Variants in PTPRT observed in about 807,000 individuals in gnomAD.
PTPRT encodes receptor-type tyrosine-protein phosphatase T.
In PTPRT, 56 loss-of-function variants were observed where a neutral mutation model predicts 176.8. The observed-to-expected ratio is 0.32, with a 90% CI of 0.26 to 0.40. The LOEUF (loss-of-function observed/expected upper bound fraction) is 0.40, where lower values mean the gene tolerates loss of function less well. PTPRT is among the 10% of genes least tolerant of loss of function. PTPRT has a pLI of 1.00. For missense variants in PTPRT, 1,540 were observed against 1,908.2 expected (o/e 0.81, Z 3.60); for synonymous variants, 783 against 739.0 (o/e 1.06, Z -0.96).
chr20:42,418,600 T>C (rs1362539856), intron 9 of PTPRT, among the ~76,000 whole-genome samples: 1 of 152,178 alleles, frequency 6.6e-6, no homozygotes. Flanking sequence ...AGATGACCAA[T>C]AGCTTGCACT....
chr20:42,236,177 A>G lies in PTPRT; in HGVS notation c.2342+52T>C, dbSNP rs371548851. The stretch of plus-strand genomic sequence containing the variant: ...TTGGTTGGTGCAGGAAATGCATGCT[A>G]CAGGTTCCCTTACAGGGCACGAAGC... On this transcript the variant is annotated intron_variant, in intron 15 of 30. Coordinates refer to ENST00000373187, the MANE Select transcript of PTPRT (RefSeq NM_007050.6). The G allele has an allele frequency of 2.8e-5, 42 of 1,482,930 alleles. No homozygotes were observed. In the Middle Eastern group the frequency reaches 8.6e-4, roughly 30 times the overall value. 91.9% of individuals were successfully genotyped at this position (1,482,930 alleles called of 1,614,324 possible).
chr20:43,113,221 T>C (rs1239404313), intron 1 of PTPRT, among the ~76,000 whole-genome samples: 1 of 152,222 alleles, frequency 6.6e-6, no homozygotes, highest in Admixed American at 6.5e-5. Context: ...TAACAACTCA[T>C]CCATGATGAA....
chr20:42,353,261 T>A (rs779698021), intron 9 of PTPRT, among the ~76,000 whole-genome samples: 2 of 152,172 alleles, frequency 1.3e-5, no homozygotes, highest in Non-Finnish European at 2.9e-5. Context: ...CCAGGCCCCA[T>A]ATTCCAGACA....
At chr20:43,168,966 T>C (rs2014925305) in intron 1 of PTPRT, among the ~76,000 whole-genome samples, 2 of 152,204 alleles carry the variant, frequency 1.3e-5, no homozygotes, top group South Asian at 4.1e-4. Flanking sequence ...TGTGAACAGC[T>C]GTGTCTGCAA....
intron 17 of PTPRT, among the ~76,000 whole-genome samples, chr20:42,147,514 G>A (rs1363089516): frequency 6.6e-6 from 1 of 152,146 alleles, no homozygotes; most frequent in Non-Finnish European, 1.5e-5. Context: ...CAGAATAAAT[G>A]TGTGCCCTTT....
At chr20:42,923,348 A>G (rs1979278362) in intron 1 of PTPRT, among the ~76,000 whole-genome samples, 2 of 152,212 alleles carry the variant, frequency 1.3e-5, no homozygotes, top group Non-Finnish European at 2.9e-5. Flanking sequence ...GAAGAAGAAG[A>G]CAATCTGTGC....
intron 1 of PTPRT, among the ~76,000 whole-genome samples, chr20:43,023,804 T>C (rs1568739119): frequency 6.6e-6 from 1 of 152,162 alleles, no homozygotes; most frequent in Non-Finnish European, 1.5e-5. Context: ...TGTCTTGTTA[T>C]TGGAGATCAC....
chr20:42,315,702 C>A, intron 12 of PTPRT, 21 bp downstream of exon 12: 1 of 1,606,066 alleles, frequency 6.2e-7, no homozygotes. Flanking sequence ...CAAGGAATGG[C>A]CTCCATGTGG....
chr20:43,151,368 T>A (rs2014350296), intron 1 of PTPRT, among the ~76,000 whole-genome samples: 1 of 147,752 alleles, frequency 6.8e-6, no homozygotes, highest in Non-Finnish European at 1.5e-5. Context: ...AACAGAAAGC[T>A]TCTAATAAAG....
At chr20:42,643,313 T>C (rs1176107924) in intron 7 of PTPRT, among the ~76,000 whole-genome samples, 2 of 152,076 alleles carry the variant, frequency 1.3e-5, no homozygotes, top group African/African-American at 2.4e-5. Flanking sequence ...TTATTACCCT[T>C]ACTTTATTTT....
At position 43,021,549 on chromosome 20, in the gene PTPRT, T is replaced by C. The variant is rs945858107; in HGVS notation, c.89-135617A>G. ...ACAGGTGGGCAAGTTCCCTGGTCTG[T>C]TCTGCCTGGGCCCCAGATGTGAGAT... On this transcript the variant is annotated intron_variant, in intron 1 of 30. Transcript: ENST00000373187. Among the ~76,000 whole-genome samples, 7 of 152,064 alleles carry C rather than the reference T, an allele frequency of 4.6e-5. No individual in the cohort carries two copies. The East Asian group carries it at 1.4e-3, about 29-fold the overall frequency.
At chr20:42,704,856 C>T (rs1156851626) in intron 6 of PTPRT, among the ~76,000 whole-genome samples, 1 of 152,162 alleles carries the variant, frequency 6.6e-6, no homozygotes, top group Non-Finnish European at 1.5e-5. Context: ...GAAATGAATA[C>T]CTTTCCTATT....
chr20:43,090,238 A>G (rs2011768371), intron 1 of PTPRT, among the ~76,000 whole-genome samples: 1 of 151,926 alleles, frequency 6.6e-6, no homozygotes, highest in Admixed American at 6.6e-5. Context: ...ACTGAAGGAG[A>G]TTTTATACAC....
At chr20:42,332,915 C>A (rs1256538312) in intron 11 of PTPRT, among the ~76,000 whole-genome samples, 2 of 152,024 alleles carry the variant, frequency 1.3e-5, no homozygotes, top group African/African-American at 2.4e-5. Flanking sequence ...TTCAAATGAC[C>A]AATGCATAAC....
intron 1 of PTPRT, among the ~76,000 whole-genome samples, chr20:43,138,911 G>A (rs1002395977): frequency 6.6e-6 from 1 of 152,200 alleles, no homozygotes; most frequent in African/African-American, 2.4e-5. Flanking sequence ...TTTCCTTCCT[G>A]TGTGACCATG....
chr20:43,063,151 A>G (rs2146256549), intron 1 of PTPRT, among the ~76,000 whole-genome samples: 1 of 152,346 alleles, frequency 6.6e-6, no homozygotes, highest in South Asian at 2.1e-4. Flanking sequence ...TGAGGTCACA[A>G]AAGATTAAAC....
intron 1 of PTPRT, among the ~76,000 whole-genome samples, chr20:43,136,950 G>T (rs1045977442): frequency 6.6e-6 from 1 of 152,176 alleles, no homozygotes. Flanking sequence ...GGGTTTTGCT[G>T]CTACTTCCAG....
chr20:42,600,307 T>G (rs997064587), intron 7 of PTPRT, among the ~76,000 whole-genome samples: 4 of 152,062 alleles, frequency 2.6e-5, no homozygotes, highest in African/African-American at 9.7e-5. Context: ...GTCTGGCTAA[T>G]TTTTGTATTT....
At chr20:42,632,091 AC>A (rs1378834400) in intron 7 of PTPRT, among the ~76,000 whole-genome samples, 1 of 152,020 alleles carries the variant, frequency 6.6e-6, no homozygotes, top group Non-Finnish European at 1.5e-5. Context: ...CCCAGTAGAA[AC>A]CCTAGAGACC....
Sources: allele counts gnomAD v4.1 joint callset (sites outside exome capture counted in the v4.1 genomes callset), GRCh38; gene constraint gnomAD v4.1.1; transcripts MANE v1.5; gene names NCBI Gene and HGNC (gene_info 2026-07-23, HGNC 2026-07-21).